Variants in CAMK1D observed in about 807,000 individuals in gnomAD.
The protein encoded by CAMK1D is calcium/calmodulin dependent protein kinase ID, also known as calcium/calmodulin-dependent protein kinase type 1D.
In CAMK1D, 9 loss-of-function variants were observed where a neutral mutation model predicts 47.7. The ratio of observed to expected loss-of-function variants is 0.19; its 90% CI spans 0.11 to 0.33. The LOEUF is 0.33. Ranked by LOEUF, CAMK1D falls within the 10% of genes least tolerant of loss-of-function variation. The pLI, the probability that CAMK1D is intolerant of heterozygous loss-of-function variation, is 1.00. For missense variants in CAMK1D, 291 were observed against 488.7 expected, an observed-to-expected ratio of 0.60 and a Z score of 3.81; for synonymous variants, 184 against 184.9, an observed-to-expected ratio of 0.99 and a Z score of 0.04.
intron 3 of CAMK1D, among the ~76,000 whole-genome samples, chr10:12,703,868 C>CA (rs766290620): frequency 0.022 from 1,463 of 67,272 alleles, 16 homozygotes; most frequent in African/African-American, 0.053. Context: ...GACTCCGTCT[C>CA]AAAAAAAAAA....
rs1371838093 is a variant in CAMK1D, at chr10:12,349,588, G to T, written c.-231G>T. 2 of 155,554 alleles carry T rather than the reference G, an allele frequency of 1.3e-5. No homozygotes were observed. Among genetic ancestry groups the T allele is most frequent in the South Asian group, 1.8e-4 (1 of 5,412 alleles). 9.6% of individuals were successfully genotyped at this position (155,554 alleles called of 1,614,324 possible). The stretch of plus-strand genomic sequence containing the variant: ...GCTGGCAGGCGGCGGCAAAGGAGCC[G>T]GCGCGCGGCGGCGGCAGGAAGTCTG... On this transcript the variant is annotated 5_prime_UTR_variant, in exon 1 of 11. Coordinates refer to ENST00000619168, the MANE Select transcript of CAMK1D (RefSeq NM_153498.4).
Position 12,830,946 on chromosome 10 carries a change from C to CAT in CAMK1D, c.*2060_*2061insTA, listed in dbSNP as rs2131144803. The CAT allele has an allele frequency of 6.5e-6, 1 of 153,780 alleles. No individual in the cohort carries two copies. The highest frequency in any genetic ancestry group is 2.1e-4 in the South Asian group (1 of 4,766). 9.5% of individuals were successfully genotyped at this position (153,780 alleles called of 1,614,324 possible). ...CAATAAACACACACACACACACACACACACACACACACACACACAATGTTA... is the reference window on the plus strand; with the variant it reads ...CAATAAACACACACACACACACACACATACACACACACACACACACAATGTTA... On this transcript the variant is annotated 3_prime_UTR_variant, in exon 11 of 11. Transcript: ENST00000619168.
intron 9 of CAMK1D, 24 bp from the exon 10 acceptor site, chr10:12,825,549 C>T: frequency 6.2e-7 from 1 of 1,603,068 alleles, no homozygotes; most frequent in Non-Finnish European, 8.5e-7. Flanking sequence ...TATTTGTCTG[C>T]TTTTTTCCTT....
At chr10:12,741,204 T>C (rs992659742) in intron 3 of CAMK1D, among the ~76,000 whole-genome samples, 1 of 151,982 alleles carries the variant, frequency 6.6e-6, no homozygotes, top group Non-Finnish European at 1.5e-5. Context: ...GGGTACAGAG[T>C]TTCCTGTCTT....
chr10:12,511,092 C>T (rs1174331700), intron 1 of CAMK1D, among the ~76,000 whole-genome samples: 1 of 152,212 alleles, frequency 6.6e-6, no homozygotes, highest in East Asian at 1.9e-4. Context: ...AATATGCTCA[C>T]ATTTTTCTTC....
chr10:12,373,759 C>T (rs1255127652), intron 1 of CAMK1D, among the ~76,000 whole-genome samples: 2 of 151,510 alleles, frequency 1.3e-5, no homozygotes, highest in African/African-American at 2.4e-5. Flanking sequence ...CATGGGTTTG[C>T]GTCACATTTT....
intron 2 of CAMK1D, among the ~76,000 whole-genome samples, chr10:12,612,058 C>T (rs541072273): frequency 1.3e-5 from 2 of 152,220 alleles, no homozygotes; most frequent in Non-Finnish European, 2.9e-5. Context: ...TCTTAGGATG[C>T]TCCTCCCTGG....
intron 1 of CAMK1D, among the ~76,000 whole-genome samples, chr10:12,435,285 T>C (rs905624863): frequency 1.4e-5 from 2 of 147,862 alleles, no homozygotes; most frequent in African/African-American, 5.0e-5. Flanking sequence ...TTGCAGTCCC[T>C]GAACAAGAAG....
chr10:12,560,647 C>T (rs1836910415), intron 2 of CAMK1D, among the ~76,000 whole-genome samples: 1 of 151,724 alleles, frequency 6.6e-6, no homozygotes, highest in East Asian at 1.9e-4. Flanking sequence ...CTGAAAATGG[C>T]TAAGCTGGTA....
chr10:12,442,438 G>A (rs768407473), intron 1 of CAMK1D, among the ~76,000 whole-genome samples: 40 of 152,182 alleles, frequency 2.6e-4, no homozygotes, highest in Non-Finnish European at 4.0e-4. Flanking sequence ...CTGAGATTGC[G>A]CCACTGCACT....
At chr10:12,750,924 G>T (rs1835914312) in intron 3 of CAMK1D, among the ~76,000 whole-genome samples, 1 of 152,132 alleles carries the variant, frequency 6.6e-6, no homozygotes, top group Non-Finnish European at 1.5e-5. Context: ...GGTGTCACAC[G>T]CCTGTAATTC....
At chr10:12,494,605 C>T (rs1230311638) in intron 1 of CAMK1D, among the ~76,000 whole-genome samples, 1 of 76,612 alleles carries the variant, frequency 1.3e-5, no homozygotes, top group Non-Finnish European at 2.7e-5. Flanking sequence ...CACTTTGTTG[C>T]CCAGGCTGGA....
chr10:12,748,330 G>A (rs1189330092), intron 3 of CAMK1D, among the ~76,000 whole-genome samples: 1 of 152,176 alleles, frequency 6.6e-6, no homozygotes, highest in Non-Finnish European at 1.5e-5. Flanking sequence ...GAACAAAGAA[G>A]GGGAAAAATG....
chr10:12,502,173 C>T (rs1009224464), intron 1 of CAMK1D, among the ~76,000 whole-genome samples: 4 of 152,068 alleles, frequency 2.6e-5, no homozygotes, highest in Admixed American at 6.5e-5. Flanking sequence ...CAGTCTGGAC[C>T]GAAGGAATGA....
At chr10:12,548,930 A>T (rs950893400) in intron 1 of CAMK1D, among the ~76,000 whole-genome samples, 1 of 152,074 alleles carries the variant, frequency 6.6e-6, no homozygotes, top group African/African-American at 2.4e-5. Context: ...ATCTCAGCTC[A>T]CTGCAACCTC....
At chr10:12,384,123 A>C (rs550579926) in intron 1 of CAMK1D, among the ~76,000 whole-genome samples, 1 of 152,230 alleles carries the variant, frequency 6.6e-6, no homozygotes, top group Non-Finnish European at 1.5e-5. Flanking sequence ...AATAAGAATA[A>C]GATATTTAGG....
At chr10:12,467,847 C>G (rs1833637633) in intron 1 of CAMK1D, among the ~76,000 whole-genome samples, 1 of 152,104 alleles carries the variant, frequency 6.6e-6, no homozygotes, top group Non-Finnish European at 1.5e-5. Flanking sequence ...AACATATGTT[C>G]TTTAGGTTTT....
chr10:12,719,172 T>C (rs1049788335), intron 3 of CAMK1D, among the ~76,000 whole-genome samples: 6 of 152,098 alleles, frequency 3.9e-5, no homozygotes, highest in Non-Finnish European at 7.4e-5. Context: ...TTTGGGAGGC[T>C]GAGGCGGGTG....
chr10:12,399,209 A>G (rs934764134), intron 1 of CAMK1D, among the ~76,000 whole-genome samples: 2 of 152,152 alleles, frequency 1.3e-5, no homozygotes, highest in Non-Finnish European at 2.9e-5. Flanking sequence ...ATCCAGGAAG[A>G]TAAAAGTTGA....
Sources: gnomAD v4.1 joint callset for allele counts (sites outside exome capture counted in the v4.1 genomes callset) on GRCh38, gnomAD v4.1.1 for gene constraint, MANE v1.5 for transcripts, NCBI Gene and HGNC (gene_info 2026-07-23, HGNC 2026-07-21) for gene names.